PREPL: variants seen among roughly 807,000 people sequenced by gnomAD.
PREPL encodes the protein prolyl endopeptidase like.
Under a neutral mutation model 70.6 loss-of-function variants are expected in PREPL, and 77 were observed. That is an observed-to-expected ratio of 1.09 (90% confidence interval 0.91 to 1.32). The LOEUF is 1.32. PREPL is among the 40% of genes most tolerant of loss of function. The pLI, the probability that PREPL is intolerant of heterozygous loss-of-function variation, is 0.00. For missense variants in PREPL, 1,002 were observed against 778.2 expected (o/e 1.29, Z -3.42); for synonymous variants, 315 against 264.8 (o/e 1.19, Z -1.84).
At chr2:44,339,065 G>A in intron 6 of PREPL, 82 bp downstream of exon 6, 1 of 1,556,726 alleles carries the variant, frequency 6.4e-7, no homozygotes, top group South Asian at 1.2e-5. Flanking sequence ...AAAACAATGA[G>A]CTCTTGGAGC....
intron 6 of PREPL, 147 bp from the exon 7 acceptor site, chr2:44,338,683 G>A (rs1288773932): frequency 2.8e-6 from 2 of 720,470 alleles, no homozygotes; most frequent in Non-Finnish European, 4.5e-6. Context: ...GGGATAAAGT[G>A]TGACCATCAA....
In PREPL at chr2:44,329,087, A is replaced by C; in HGVS notation, c.1112T>G (p.Val371Gly). Reference protein sequence around the residue: ...SKDGKLVPMTVFHKTDSEDLQ... With the variant: ...SKDGKLVPMTGFHKTDSEDLQ... The stretch of plus-strand genomic sequence containing the variant: ...GTCCTCAGAGTCAGTTTTGTGGAAA[A>C]CAGTCATTGGCACTAATTTTCCATC... Residue 371 changes from valine to glycine, a missense_variant, in exon 9 of 14, where the codon GTT (valine) becomes GGT (glycine). Physicochemically the swap from Val to Gly is moderately radical, Grantham distance 109. Transcript: ENST00000409411. 1 of 1,606,752 alleles carries C rather than the reference A, an allele frequency of 6.2e-7. No homozygotes were observed. The highest frequency in any genetic ancestry group is 8.5e-7 in the Non-Finnish European group (1 of 1,173,860).
chr2:44,332,054 C>G (rs942354823), intron 8 of PREPL, among the ~76,000 whole-genome samples: 1 of 150,890 alleles, frequency 6.6e-6, no homozygotes, highest in Admixed American at 6.6e-5. Context: ...TCACGCCATT[C>G]TCCTGCCTCA....
At position 44,323,288 on chromosome 2, in the gene PREPL, A is replaced by C. The variant is rs1327229241; in HGVS notation, c.1603T>G (p.Cys535Gly). Residue 535 changes from cysteine to glycine, a missense_variant, in exon 11 of 14, where the codon TGT (cysteine) becomes GGT (glycine). Transcript: ENST00000409411. ...EKHKNYIKRY[C>G]PYQNIKPQHY... is the part of the protein sequence containing the mutation. ...TGAGGTTTAATATTTTGATAGGGACAGTAACGTTTTATGTAGTTCTTGTGT... is the reference window on the plus strand; with the variant it reads ...TGAGGTTTAATATTTTGATAGGGACCGTAACGTTTTATGTAGTTCTTGTGT... The C allele has an allele frequency of 1.2e-6, 2 of 1,607,024 alleles. No individual in the cohort carries two copies. Among genetic ancestry groups the C allele is most frequent in the Non-Finnish European group, 1.7e-6 (2 of 1,175,322 alleles).
At chr2:44,342,294 T>A in intron 5 of PREPL, 123 bp downstream of exon 5, 1 of 830,276 alleles carries the variant, frequency 1.2e-6, no homozygotes, top group Non-Finnish European at 1.8e-6. Context: ...AAAAGAATGA[T>A]CGTTTTAGCC....
In PREPL at chr2:44,323,253, T is replaced by G. The variant is rs1247136692; in HGVS notation, c.1629+9A>C. 1.2e-5 allele frequency: 19 copies of G among 1,584,496 alleles called. No individual in the cohort carries two copies. The highest frequency in any genetic ancestry group is 1.5e-5 in the Non-Finnish European group (18 of 1,167,284). Reference sequence around the variant, plus strand: ...TTCAGGATAATCTAACACAATTGTCTTTCACTACCTGAGGTTTAATATTTT... The same window carrying G: ...TTCAGGATAATCTAACACAATTGTCGTTCACTACCTGAGGTTTAATATTTT... On this transcript the variant is annotated intron_variant, in intron 11 of 13. Transcript: ENST00000409411.
chr2:44,361,038 G>A (rs1028062523), intron 1 of PREPL, among the ~76,000 whole-genome samples: 1 of 152,128 alleles, frequency 6.6e-6, no homozygotes. Flanking sequence ...TAAAAAAAGG[G>A]GAAAAAAGAC....
At chr2:44,360,356 G>T (rs531285076) in intron 1 of PREPL, 1 of 152,236 alleles carries the variant, frequency 6.6e-6, no homozygotes, top group Non-Finnish European at 1.5e-5. Context: ...TTGCCAAACT[G>T]TGGCTGTGGG....
At chr2:44,344,676 CTT>C (rs569195533) in intron 2 of PREPL, 90 bp from the exon 3 acceptor site, 1 of 978,358 alleles carries the variant, frequency 1.0e-6, no homozygotes, top group Admixed American at 2.9e-5. Flanking sequence ...AATGAAGACT[CTT>C]ATAAAAAACA....
intron 8 of PREPL, among the ~76,000 whole-genome samples, 158 bp downstream of exon 8, chr2:44,332,301 A>G (rs958242769): frequency 1.3e-5 from 2 of 152,224 alleles, no homozygotes; most frequent in Admixed American, 1.3e-4. Flanking sequence ...TTAAGGTTAA[A>G]AAAAATTCAC....
At chr2:44,344,464 AT>A (rs1675564699) in intron 3 of PREPL, 55 bp downstream of exon 3, 3 of 1,229,342 alleles carry the variant, frequency 2.4e-6, no homozygotes, top group Non-Finnish European at 1.1e-6. Context: ...TAAATTTCCT[AT>A]AAAAAATATG....
At chr2:44,328,836 A>T in intron 9 of PREPL, 101 bp downstream of exon 9, 1 of 1,207,634 alleles carries the variant, frequency 8.3e-7, no homozygotes. Context: ...GAATAATAAG[A>T]ATGAAAAAAA....
chr2:44,339,488 A>G, intron 5 of PREPL, 125 bp from the exon 6 acceptor site: 1 of 1,359,758 alleles, frequency 7.4e-7, no homozygotes, highest in Non-Finnish European at 9.7e-7. Flanking sequence ...AAATTAAAAT[A>G]ATTCCTTAGT....
In PREPL at chr2:44,339,275, C is replaced by T. The variant is rs138883289; in HGVS notation, c.574G>A (p.Asp192Asn). The stretch of plus-strand genomic sequence containing the variant: ...GGTGGGTCCCAAGGGCTCAGGCCAT[C>T]TATCAACCACACTTCAGAAGTAGTC... Reference protein sequence around the residue: ...NKTTSEVWLIDGLSPWDPPVL... With the variant: ...NKTTSEVWLINGLSPWDPPVL... The change falls in exon 6 of 14, where the codon GAT becomes AAT. Residue 192 changes from aspartate (D) to asparagine (N), a missense_variant. Physicochemically the swap from Asp to Asn is conservative, Grantham distance 23. Transcript: ENST00000409411. 5.6e-6 allele frequency: 9 copies of T among 1,613,942 alleles called. No individual in the cohort carries two copies. The African/African-American group carries it at 1.2e-4, about 22-fold the overall frequency.
intron 12 of PREPL, among the ~76,000 whole-genome samples, chr2:44,322,280 A>G (rs2103677196): frequency 6.6e-6 from 1 of 152,304 alleles, no homozygotes; most frequent in African/African-American, 2.4e-5. Context: ...GTTTCAAGGC[A>G]AAAGGGAGGG....
intron 1 of PREPL, among the ~76,000 whole-genome samples, chr2:44,351,158 C>T (rs1038307538): frequency 5.3e-5 from 8 of 150,144 alleles, no homozygotes; most frequent in African/African-American, 2.0e-4. Context: ...TGGTCTGAAA[C>T]TCCTGACCTC....
At chr2:44,321,993 A>G in intron 12 of PREPL, 93 bp from the exon 13 acceptor site, 1 of 1,282,572 alleles carries the variant, frequency 7.8e-7, no homozygotes, top group Non-Finnish European at 1.1e-6. Flanking sequence ...TTGAGTACTC[A>G]GTTCAAATAA....
chr2:44,341,835 G>C (rs1158627598), intron 5 of PREPL, among the ~76,000 whole-genome samples: 1 of 151,454 alleles, frequency 6.6e-6, no homozygotes, highest in Admixed American at 6.6e-5. Flanking sequence ...TGAAACCATA[G>C]CATATATTTA....
At position 44,317,893 on chromosome 2, in the gene PREPL, TAAC is replaced by T; in HGVS notation, c.*3460_*3462del. 1 of 222,992 alleles carries T rather than the reference TAAC, an allele frequency of 4.5e-6. No individual in the cohort carries two copies. Among genetic ancestry groups the T allele is most frequent in the South Asian group, 4.6e-5 (1 of 21,560 alleles). The allele number at this position is 222,992 out of a possible 1,614,324, so 13.8% of individuals were successfully genotyped here. On this transcript the variant is annotated 3_prime_UTR_variant, in exon 14 of 14. Coordinates refer to ENST00000409411, the MANE Select transcript of PREPL (RefSeq NM_001171613.2). The stretch of plus-strand genomic sequence containing the variant: ...CTATTAAAAGATAAAACCACTCAGA[TAAC>T]AAAAACAGACATAAGAAACACTAAC...
Sources: allele counts gnomAD v4.1 joint callset (sites outside exome capture counted in the v4.1 genomes callset), GRCh38; gene constraint gnomAD v4.1.1; transcripts MANE v1.5; gene names NCBI Gene and HGNC (gene_info 2026-07-23, HGNC 2026-07-21).